Variants in ALMS1 observed in about 807,000 individuals in gnomAD.
ALMS1 encodes ALMS1 centrosome and basal body associated protein, also known as centrosome-associated protein ALMS1.
Under a neutral mutation model 352.2 loss-of-function variants are expected in ALMS1, and 271 were observed. The ratio of observed to expected loss-of-function variants is 0.77; its 90% CI spans 0.70 to 0.85. ALMS1 has a LOEUF of 0.85. Ranked by LOEUF, ALMS1 falls within the 40% of genes least tolerant of loss-of-function variation. The probability of loss-of-function intolerance (pLI) is 0.00; values close to 1 mark genes in which losing one functional copy is unlikely to be tolerated. For synonymous variants in ALMS1, 1,865 were observed against 1,761.2 expected, an observed-to-expected ratio of 1.06 and a Z score of -1.48; for missense variants, 5,445 against 4,870.7, an observed-to-expected ratio of 1.12 and a Z score of -3.51.
At chr2:73,532,804 C>T (rs913410789) in intron 11 of ALMS1, among the ~76,000 whole-genome samples, 2 of 152,194 alleles carry the variant, frequency 1.3e-5, no homozygotes, top group African/African-American at 4.8e-5. Context: ...AAGGGAGTCT[C>T]TCCTCATAGC....
chr2:73,465,746 A>G (rs1389018582), intron 9 of ALMS1, among the ~76,000 whole-genome samples: 2 of 151,892 alleles, frequency 1.3e-5, no homozygotes, highest in Admixed American at 1.3e-4. Context: ...TCATCTGACA[A>G]AGGGCTAATA....
Position 73,593,138 on chromosome 2 carries a change from C to A in ALMS1, c.11548-6263C>A, listed in dbSNP as rs183131410. ...GAGATGCGTGGGACTCTCCCACGGACTAAGGAAAGTGAACTGTTTTGGTTT... is the reference window on the plus strand; with the variant it reads ...GAGATGCGTGGGACTCTCCCACGGAATAAGGAAAGTGAACTGTTTTGGTTT... On this transcript the variant is annotated intron_variant, in intron 16 of 22. Transcript: ENST00000613296. Among the ~76,000 whole-genome samples, 280 of 147,992 alleles carry A rather than the reference C, an allele frequency of 1.9e-3. 3 individuals are homozygous for A. Among genetic ancestry groups the A allele is most frequent in the Non-Finnish European group, 2.7e-4 (18 of 67,464 alleles).
At chr2:73,424,381 A>C (rs1183944540) in intron 4 of ALMS1, 49 bp from the exon 5 acceptor site, 1 of 1,234,628 alleles carries the variant, frequency 8.1e-7, no homozygotes, top group East Asian at 2.7e-5. Context: ...TTAAAAATTA[A>C]ATGTTTTTAA....
At chr2:73,416,491 T>G (rs1007244232) in intron 2 of ALMS1, among the ~76,000 whole-genome samples, 3 of 152,214 alleles carry the variant, frequency 2.0e-5, no homozygotes, top group African/African-American at 7.2e-5. Flanking sequence ...TTTCTTAAAC[T>G]TACTATATGA....
At chr2:73,472,617 G>A (rs1357977981) in intron 9 of ALMS1, among the ~76,000 whole-genome samples, 1 of 151,980 alleles carries the variant, frequency 6.6e-6, no homozygotes, top group East Asian at 1.9e-4. Flanking sequence ...TTAAAAACCA[G>A]GAAAAGTAGG....
chr2:73,448,383 C>T lies in ALMS1; in HGVS notation c.1856C>T (p.Ser619Phe), dbSNP rs377341653. Residue 619 changes from serine to phenylalanine, a missense_variant, in exon 8 of 23, where the codon TCT becomes TTT. Transcript: ENST00000613296. The part of the protein sequence containing the change: ...DQTTGMSTLT[S>F]TSYSHREKPG... The stretch of plus-strand genomic sequence containing the variant: ...ACAACTGGCATGTCAACTCTAACCT[C>T]TACTTCCTACTCACATAGAGAGAAG... The T allele has an allele frequency of 4.3e-6, 7 of 1,614,102 alleles. No individual in the cohort carries two copies. The African/African-American group carries it at 9.3e-5, about 22-fold the overall frequency.
rs199615803 is a variant in ALMS1, at chr2:73,450,776, C to T, written c.4249C>T (p.Arg1417Trp). ...TTCAGCGGTTCCTGGACCAGGTGAC[C>T]GGAAGACTGGGATACCAACTTTACC... The part of the protein sequence containing the change: ...NVSAVPGPGD[R>W]KTGIPTLPST... Residue 1417 changes from arginine (R) to tryptophan (W), a missense_variant, in exon 8 of 23, where the codon CGG (arginine) becomes TGG (tryptophan). Coordinates refer to ENST00000613296, the MANE Select transcript of ALMS1 (RefSeq NM_001378454.1). The T allele has an allele frequency of 1.4e-4, 223 of 1,613,216 alleles. No individual in the cohort carries two copies. The highest frequency in any genetic ancestry group is 8.0e-4 in the East Asian group (36 of 44,858).
chr2:73,568,293 G>A (rs1364578098), intron 15 of ALMS1, among the ~76,000 whole-genome samples: 1 of 152,152 alleles, frequency 6.6e-6, no homozygotes, highest in East Asian at 1.9e-4. Flanking sequence ...TTTTGAAAGT[G>A]TGGAACAATT....
rs558853289 is a variant in ALMS1, at chr2:73,486,028, G to A, written c.7675-3606G>A. On this transcript the variant is annotated intron_variant, in intron 9 of 22. Coordinates refer to ENST00000613296, the MANE Select transcript of ALMS1 (RefSeq NM_001378454.1). ...CTCAGATGGAAGTGCAGAAATCACC[G>A]TCTTCTGCGTGGCTCACGCTGGGAG... Among the ~76,000 whole-genome samples the A allele has an allele frequency of 1.7e-4, 26 of 152,010 alleles. 1 individual carries two copies. The South Asian group carries it at 5.2e-3, about 30-fold the overall frequency.
intron 12 of ALMS1, among the ~76,000 whole-genome samples, chr2:73,537,723 C>T (rs1009446967): frequency 3.3e-5 from 5 of 152,018 alleles, no homozygotes; most frequent in African/African-American, 1.2e-4. Flanking sequence ...CTTAAATGTC[C>T]AGGCCGGGTG....
At chr2:73,389,623 T>G (rs1352442724) in intron 1 of ALMS1, among the ~76,000 whole-genome samples, 2 of 152,168 alleles carry the variant, frequency 1.3e-5, no homozygotes, top group African/African-American at 2.4e-5. Context: ...GAGGAGGAAT[T>G]TTTAAGCTAA....
At chr2:73,459,451 TA>T (rs1422245962) in intron 9 of ALMS1, 2 of 152,220 alleles carry the variant, frequency 1.3e-5, no homozygotes, top group Non-Finnish European at 2.9e-5. Flanking sequence ...AATTTATTAA[TA>T]AAATAGCTTT....
chr2:73,496,810 G>A (rs1416627230), intron 10 of ALMS1, among the ~76,000 whole-genome samples: 2 of 152,100 alleles, frequency 1.3e-5, no homozygotes, highest in African/African-American at 4.8e-5. Context: ...GTTTTAATTT[G>A]CATGTCCTTC....
chr2:73,458,319 C>G (rs1672116389), intron 9 of ALMS1: 1 of 152,090 alleles, frequency 6.6e-6, no homozygotes, highest in Non-Finnish European at 1.5e-5. Context: ...CATAATTTCA[C>G]AGGTATGTAA....
At chr2:73,544,096 A>G (rs1398319623) in intron 12 of ALMS1, among the ~76,000 whole-genome samples, 1 of 152,328 alleles carries the variant, frequency 6.6e-6, no homozygotes, top group Admixed American at 6.5e-5. Flanking sequence ...ATTCACAATA[A>G]CAAAGATTTG....
intron 7 of ALMS1, among the ~76,000 whole-genome samples, chr2:73,440,133 A>G (rs1671687317): frequency 6.6e-6 from 1 of 152,036 alleles, no homozygotes; most frequent in Non-Finnish European, 1.5e-5. Flanking sequence ...GGTGTGTGCC[A>G]TCACGCCTGG....
At chr2:73,508,207 CTTTTTT>C (rs562118895) in intron 10 of ALMS1, among the ~76,000 whole-genome samples, 1 of 108,066 alleles carries the variant, frequency 9.3e-6, no homozygotes, top group Non-Finnish European at 1.9e-5. Flanking sequence ...TCTTCTTCTT[CTTTTTT>C]TTTTTTTTTT....
intron 9 of ALMS1, among the ~76,000 whole-genome samples, chr2:73,455,564 C>T (rs1440717032): frequency 1.3e-5 from 2 of 152,070 alleles, no homozygotes; most frequent in Non-Finnish European, 2.9e-5. Flanking sequence ...CCGCCCTGCT[C>T]GGCTAATTTT....
chr2:73,440,615 G>A (rs1483221934), intron 7 of ALMS1, among the ~76,000 whole-genome samples: 2 of 151,626 alleles, frequency 1.3e-5, no homozygotes, highest in African/African-American at 4.8e-5. Flanking sequence ...AGTAGAGACG[G>A]GGTTTCATCA....
Sources: allele counts gnomAD v4.1 joint callset (sites outside exome capture counted in the v4.1 genomes callset), GRCh38; gene constraint gnomAD v4.1.1; transcripts MANE v1.5; gene names NCBI Gene and HGNC (gene_info 2026-07-23, HGNC 2026-07-21).